COL22A1: variants seen among roughly 807,000 people sequenced by gnomAD.
COL22A1 encodes the protein collagen type XXII alpha 1 chain.
In COL22A1, 221 loss-of-function variants were observed where a neutral mutation model predicts 248.9. The observed-to-expected ratio is 0.89, with a 90% CI of 0.80 to 0.99. The LOEUF is 0.99. Among genes scored for constraint, COL22A1 ranks in the 50% least tolerant of loss-of-function variants. COL22A1 has a pLI of 0.00. For synonymous variants in COL22A1, 891 were observed against 793.4 expected, an observed-to-expected ratio of 1.12 and a Z score of -2.07; for missense variants, 2,240 against 2,179.0, an observed-to-expected ratio of 1.03 and a Z score of -0.56.
intron 1 of COL22A1, among the ~76,000 whole-genome samples, chr8:138,903,662 G>A (rs1396218357): frequency 6.6e-6 from 1 of 152,150 alleles, no homozygotes; most frequent in Non-Finnish European, 1.5e-5. Context: ...CCTTCAGAGA[G>A]CAGAGCCAGT....
intron 5 of COL22A1, among the ~76,000 whole-genome samples, chr8:138,832,248 T>C (rs1234982588): frequency 6.6e-6 from 1 of 152,216 alleles, no homozygotes; most frequent in Non-Finnish European, 1.5e-5. Context: ...GGGGCTGCTC[T>C]GTCTCTGGAG....
At chr8:138,597,955 C>T (rs896741918) in intron 61 of COL22A1, among the ~76,000 whole-genome samples, 12 of 152,118 alleles carry the variant, frequency 7.9e-5, no homozygotes, top group Non-Finnish European at 1.3e-4. Context: ...GGAACTGACG[C>T]GACTGCAGAG....
At chr8:138,653,383 G>A (rs1822932241) in intron 45 of COL22A1, among the ~76,000 whole-genome samples, 1 of 152,174 alleles carries the variant, frequency 6.6e-6, no homozygotes, top group African/African-American at 2.4e-5. Context: ...GGATAGTAGA[G>A]AGGCTACGCG....
intron 10 of COL22A1, among the ~76,000 whole-genome samples, chr8:138,805,544 G>A (rs938459196): frequency 7.2e-6 from 1 of 138,992 alleles, no homozygotes; most frequent in African/African-American, 2.8e-5. Flanking sequence ...TGTGTGTGAT[G>A]GTATGTGTGA....
rs552215703 is a variant in COL22A1 at position 138,742,863 on chromosome 8, T to C, written c.2086-5286A>G. 7.8e-3 allele frequency among the ~76,000 whole-genome samples: 1,152 copies of C among 148,280 alleles called. 12 individuals are homozygous for C. Among genetic ancestry groups the C allele is most frequent in the African/African-American group, 0.028 (1,105 of 39,376 alleles). ...GTGATTGTGATGGTAGAGTTGATGA[T>C]GATGGTAGTAGTGATTGTGATGGTA... On this transcript the variant is annotated intron_variant, in intron 22 of 64. Transcript: ENST00000303045.
rs923623839 is a variant in COL22A1, at chr8:138,655,939, G to C, written c.3291C>G (p.Leu1097=). 23 of 1,611,636 alleles carry C rather than the reference G, an allele frequency of 1.4e-5. No individual in the cohort carries two copies. Among genetic ancestry groups the C allele is most frequent in the Non-Finnish European group, 2.0e-5 (23 of 1,178,168 alleles). ...GERGPPGKPG[L]SSLLSPGDIN... is the part of the protein sequence containing the mutation. ...TGTCCCCTGGAGACAGTAGTGAAGA[G>C]AGGCCCTGTCAAAATAAAAAGAAAC... Residue 1097 remains leucine (L), a synonymous_variant, in exon 45 of 65, where the codon CTC becomes CTG. Transcript: ENST00000303045.
intron 17 of COL22A1, among the ~76,000 whole-genome samples, chr8:138,761,296 G>A (rs1300035330): frequency 6.6e-6 from 1 of 152,130 alleles, no homozygotes; most frequent in Admixed American, 6.5e-5. Context: ...ACTGCACGAT[G>A]GATATTTTTA....
At chr8:138,632,644 G>T (rs1820823905) in intron 49 of COL22A1, among the ~76,000 whole-genome samples, 1 of 152,114 alleles carries the variant, frequency 6.6e-6, no homozygotes, top group African/African-American at 2.4e-5. Flanking sequence ...CATGGTCTTG[G>T]ATCTCAAGGA....
At chr8:138,657,295 G>A (rs1007498027) in intron 44 of COL22A1, among the ~76,000 whole-genome samples, 12 of 152,194 alleles carry the variant, frequency 7.9e-5, no homozygotes, top group Non-Finnish European at 1.0e-4. Context: ...AGGGAAAGGT[G>A]TTTTATTTTC....
At chr8:138,766,224 T>G (rs934645322) in intron 16 of COL22A1, among the ~76,000 whole-genome samples, 14 of 152,226 alleles carry the variant, frequency 9.2e-5, no homozygotes, top group Admixed American at 9.2e-4. Context: ...GAGTGGAGTC[T>G]GGAGCCAAGA....
chr8:138,724,813 A>T, intron 24 of COL22A1, 145 bp from the exon 25 acceptor site: 2 of 727,400 alleles, frequency 2.7e-6, no homozygotes, highest in South Asian at 3.2e-5. Flanking sequence ...ATCCGCTGTG[A>T]AACGCGGAGT....
chr8:138,682,036 A>G (rs1826001011), intron 39 of COL22A1, among the ~76,000 whole-genome samples: 2 of 152,206 alleles, frequency 1.3e-5, no homozygotes, highest in Non-Finnish European at 2.9e-5. Flanking sequence ...TCACATTTTC[A>G]TATCTTGCAT....
At chr8:138,902,725 A>C (rs1443062754) in intron 1 of COL22A1, among the ~76,000 whole-genome samples, 1 of 107,156 alleles carries the variant, frequency 9.3e-6, no homozygotes, top group Non-Finnish European at 1.8e-5. Context: ...AAAATTTATA[A>C]ATATATATAT....
chr8:138,754,611 G>T (rs982696956), intron 21 of COL22A1, among the ~76,000 whole-genome samples: 1 of 152,154 alleles, frequency 6.6e-6, no homozygotes, highest in Non-Finnish European at 1.5e-5. Context: ...AATTATTCTC[G>T]ATATCTGAAC....
chr8:138,780,242 C>T (rs1814841511), intron 13 of COL22A1, among the ~76,000 whole-genome samples: 1 of 152,234 alleles, frequency 6.6e-6, no homozygotes. Context: ...ACTCCCCTTT[C>T]TCCCTTGTCT....
Position 138,900,379 on chromosome 8 carries a change from G to A in COL22A1, c.-73+13240C>T, listed in dbSNP as rs146080006. Reference sequence around the variant, plus strand: ...ACATCCCAGTGATTTCAATGGAATTGGCTTCAGCCCTACACTGCCAAATTG... The same window carrying A: ...ACATCCCAGTGATTTCAATGGAATTAGCTTCAGCCCTACACTGCCAAATTG... On this transcript the variant is annotated intron_variant, in intron 1 of 64. Coordinates refer to ENST00000303045, the MANE Select transcript of COL22A1 (RefSeq NM_152888.3). Among the ~76,000 whole-genome samples, 6 of 152,314 alleles carry A rather than the reference G, an allele frequency of 3.9e-5. No homozygotes were observed. In the East Asian group the frequency reaches 1.2e-3, roughly 29 times the overall value.
intron 12 of COL22A1, among the ~76,000 whole-genome samples, chr8:138,781,950 A>G (rs1271727915): frequency 1.3e-5 from 2 of 152,246 alleles, no homozygotes; most frequent in East Asian, 1.9e-4. Context: ...GTGCCAAAGT[A>G]TATTTCTACA....
intron 63 of COL22A1, among the ~76,000 whole-genome samples, chr8:138,592,212 C>T (rs1172976641): frequency 6.6e-6 from 1 of 152,134 alleles, no homozygotes; most frequent in African/African-American, 2.4e-5. Context: ...AGAGAGTGAT[C>T]CATTTTCTCT....
chr8:138,636,939 A>G (rs1255655671), intron 47 of COL22A1, 144 bp from the exon 48 acceptor site: 1 of 712,138 alleles, frequency 1.4e-6, no homozygotes, highest in East Asian at 2.5e-5. Context: ...GCACGGTGGC[A>G]GCAGATAGAT....
Sources: gnomAD v4.1 joint callset for allele counts (sites outside exome capture counted in the v4.1 genomes callset) on GRCh38, gnomAD v4.1.1 for gene constraint, MANE v1.5 for transcripts, NCBI Gene and HGNC (gene_info 2026-07-23, HGNC 2026-07-21) for gene names.